STAB2: variants seen among roughly 807,000 people sequenced by gnomAD.
The protein encoded by STAB2 is stabilin 2, also known as stabilin-2.
STAB2 carries 288 observed loss-of-function variants against 338.1 expected under a neutral mutation model. The ratio of observed to expected loss-of-function variants is 0.85; its 90% CI spans 0.77 to 0.94. The LOEUF (loss-of-function observed/expected upper bound fraction) is 0.94. STAB2 is among the 40% of genes least tolerant of loss of function. The pLI is 0.00. For synonymous variants in STAB2, 1,202 were observed against 1,193.3 expected, an observed-to-expected ratio of 1.01 and a Z score of -0.15; for missense variants, 3,141 against 3,210.1, an observed-to-expected ratio of 0.98 and a Z score of 0.52.
Position 103,674,364 on chromosome 12 carries a change from G to A in STAB2, c.2552+277G>A, listed in dbSNP as rs1330263399. 4.6e-5 allele frequency among the ~76,000 whole-genome samples: 7 copies of A among 152,206 alleles called. No homozygotes were observed. The East Asian group carries it at 1.3e-3, about 29-fold the overall frequency. On this transcript the variant is annotated intron_variant, in intron 23 of 68. Coordinates refer to ENST00000388887, the MANE Select transcript of STAB2 (RefSeq NM_017564.10). ...ACCTCACTTTCCTCAACAGTACAGTGAGGATGATGATACCTACCAAGCAGG... is the reference window on the plus strand; with the variant it reads ...ACCTCACTTTCCTCAACAGTACAGTAAGGATGATGATACCTACCAAGCAGG...
Position 103,763,621 on chromosome 12 carries a change from T to C in STAB2, c.7605+13T>C, listed in dbSNP as rs1463346419. ...CGACCCCTTCACGGTGAGTTTGCAT[T>C]CTTATCTAGGAATAGGTTCCCTTGG... is the stretch of plus-strand genomic sequence containing the variant. On this transcript the variant is annotated intron_variant, in intron 68 of 68. Coordinates refer to ENST00000388887, the MANE Select transcript of STAB2 (RefSeq NM_017564.10). 3 of 1,609,438 alleles carry C rather than the reference T, an allele frequency of 1.9e-6. No homozygotes were observed. Among genetic ancestry groups the C allele is most frequent in the Non-Finnish European group, 2.5e-6 (3 of 1,176,492 alleles).
At chr12:103,600,968 A>G (rs1956945386) in intron 3 of STAB2, among the ~76,000 whole-genome samples, 1 of 152,242 alleles carries the variant, frequency 6.6e-6, no homozygotes. Context: ...AATAGTAAGC[A>G]TTCAACAAAT....
At chr12:103,648,564 G>T (rs1379705536) in intron 9 of STAB2, 126 bp from the exon 10 acceptor site, 4 of 1,235,684 alleles carry the variant, frequency 3.2e-6, no homozygotes, top group Non-Finnish European at 4.4e-6. Flanking sequence ...CACTAGGAAT[G>T]CTCTCTTGTC....
chr12:103,633,838 C>T (rs915111564), intron 6 of STAB2, among the ~76,000 whole-genome samples: 1 of 152,074 alleles, frequency 6.6e-6, no homozygotes, highest in Non-Finnish European at 1.5e-5. Flanking sequence ...AAATTTTACC[C>T]ATCTGTGGGT....
At chr12:103,634,349 T>G (rs933920666) in intron 6 of STAB2, among the ~76,000 whole-genome samples, 2 of 152,214 alleles carry the variant, frequency 1.3e-5, no homozygotes, top group African/African-American at 4.8e-5. Flanking sequence ...TTCCTTGCAG[T>G]GACATCATAT....
At chr12:103,600,693 G>A (rs751959773) in intron 3 of STAB2, among the ~76,000 whole-genome samples, 1 of 152,218 alleles carries the variant, frequency 6.6e-6, no homozygotes, top group Non-Finnish European at 1.5e-5. Context: ...AGGCAAGAGG[G>A]CTGGGCCAGG....
At position 103,738,111 on chromosome 12, in the gene STAB2, C is replaced by A. The variant is rs765433854; in HGVS notation, c.5697+331C>A. 3.9e-5 allele frequency among the ~76,000 whole-genome samples: 6 copies of A among 152,156 alleles called. 1 individual carries two copies. The highest frequency in any genetic ancestry group is 5.9e-5 in the Non-Finnish European group (4 of 68,016). ...ACATCCCTCTATTCAGTCACTCACT[C>A]ATGCATTCAACAAATATTTGTTGAA... On this transcript the variant is annotated intron_variant, in intron 53 of 68. Coordinates refer to ENST00000388887, the MANE Select transcript of STAB2 (RefSeq NM_017564.10).
At chr12:103,647,385 G>A (rs1394186236) in intron 9 of STAB2, among the ~76,000 whole-genome samples, 1 of 152,180 alleles carries the variant, frequency 6.6e-6, no homozygotes, top group Non-Finnish European at 1.5e-5. Flanking sequence ...GTGAGTCACA[G>A]CTGTGGTGTG....
At chr12:103,673,168 G>T (rs1225473651) in intron 22 of STAB2, among the ~76,000 whole-genome samples, 1 of 152,104 alleles carries the variant, frequency 6.6e-6, no homozygotes. Context: ...CTGCCAGCAT[G>T]GGAGATCACT....
In STAB2 at chr12:103,740,305, T is replaced by C. The variant is rs78651178; in HGVS notation, c.5755-325T>C. Among the ~76,000 whole-genome samples the C allele has an allele frequency of 1.7e-3, 254 of 152,100 alleles. 1 individual carries two copies. In the East Asian group the frequency reaches 0.02, roughly 12 times the overall value. On this transcript the variant is annotated intron_variant, in intron 54 of 68. Coordinates refer to ENST00000388887, the MANE Select transcript of STAB2 (RefSeq NM_017564.10). Reference sequence around the variant, plus strand: ...TTTGGGAGCCTTGCCCCACACCCCTTCCATGACAGCAAGCTACCTCCTTCC... The same window carrying C: ...TTTGGGAGCCTTGCCCCACACCCCTCCCATGACAGCAAGCTACCTCCTTCC...
At chr12:103,645,483 C>T (rs1873263776) in intron 9 of STAB2, among the ~76,000 whole-genome samples, 1 of 152,216 alleles carries the variant, frequency 6.6e-6, no homozygotes, top group Non-Finnish European at 1.5e-5. Flanking sequence ...TACAGAGAAA[C>T]ATACTCAGTG....
At chr12:103,706,503 T>G (rs1879358211) in intron 37 of STAB2, among the ~76,000 whole-genome samples, 1 of 152,216 alleles carries the variant, frequency 6.6e-6, no homozygotes. Flanking sequence ...TAGTTTCTTC[T>G]GCTGCCCCTC....
intron 6 of STAB2, among the ~76,000 whole-genome samples, chr12:103,635,491 C>G (rs1957530310): frequency 6.6e-6 from 1 of 152,210 alleles, no homozygotes; most frequent in African/African-American, 2.4e-5. Context: ...TCAGCTCCCT[C>G]CAGCATTTGG....
chr12:103,648,735 T>C lies in STAB2; in HGVS notation c.1086T>C (p.Tyr362=), dbSNP rs758051063. 1.5e-5 allele frequency: 25 copies of C among 1,614,138 alleles called. No individual in the cohort carries two copies. The highest frequency in any genetic ancestry group is 2.0e-5 in the Non-Finnish European group (24 of 1,179,992). ...KGYVGDGLTC[Y]GNIMERLREL... ...ACGTGGGTGATGGCTTAACGTGTTA[T>C]GGAAACATTATGGAGCGACTCAGAG... The change falls in exon 10 of 69, where the codon TAT becomes TAC. Residue 362 remains tyrosine (Y), a synonymous_variant. Transcript: ENST00000388887.
intron 67 of STAB2, among the ~76,000 whole-genome samples, chr12:103,763,142 T>C (rs1454856014): frequency 6.6e-6 from 1 of 152,186 alleles, no homozygotes; most frequent in Non-Finnish European, 1.5e-5. Flanking sequence ...TGCATTTATA[T>C]TAAGTTAAAG....
chr12:103,655,199 C>G (rs189221766), intron 13 of STAB2, 52 bp from the exon 14 acceptor site: 1 of 1,518,590 alleles, frequency 6.6e-7, no homozygotes, highest in Non-Finnish European at 9.0e-7. Context: ...TTTGTATTTC[C>G]TAAATCACAA....
At chr12:103,698,072 G>A (rs535745134) in intron 33 of STAB2, among the ~76,000 whole-genome samples, 6 of 152,308 alleles carry the variant, frequency 3.9e-5, no homozygotes, top group Non-Finnish European at 7.4e-5. Flanking sequence ...GAAGAGAAGT[G>A]AGGCTGGGTG....
In STAB2 at chr12:103,723,129, A is replaced by G. The variant is rs150056182; in HGVS notation, c.4684-1846A>G. Among the ~76,000 whole-genome samples, 85 of 152,310 alleles carry G rather than the reference A, an allele frequency of 5.6e-4. 2 individuals carry two copies. In the East Asian group the frequency reaches 0.015, roughly 27 times the overall value. On this transcript the variant is annotated intron_variant, in intron 44 of 68. Coordinates refer to ENST00000388887, the MANE Select transcript of STAB2 (RefSeq NM_017564.10). ...CATGAGGCACAAGTGGGGCTCATCA[A>G]CTAAGATGAGAGGACAGTAATTGAG...
At chr12:103,664,089 C>T (rs573572130) in intron 18 of STAB2, among the ~76,000 whole-genome samples, 4 of 124,566 alleles carry the variant, frequency 3.2e-5, no homozygotes, top group Admixed American at 7.9e-5. Context: ...TTCCTATTTC[C>T]ATAGCAACTT....
Sources: allele counts gnomAD v4.1 joint callset (sites outside exome capture counted in the v4.1 genomes callset), GRCh38; gene constraint gnomAD v4.1.1; transcripts MANE v1.5; gene names NCBI Gene and HGNC (gene_info 2026-07-23, HGNC 2026-07-21).